Variants in LILRA4 observed in about 807,000 individuals in gnomAD.
The protein encoded by LILRA4 is leukocyte immunoglobulin like receptor A4.
LILRA4 carries 51 observed loss-of-function variants against 49.5 expected under a neutral mutation model. The observed-to-expected ratio is 1.03, with a 90% confidence interval of 0.82 to 1.30. The LOEUF (loss-of-function observed/expected upper bound fraction) is 1.30. Among genes scored for constraint, LILRA4 ranks in the 50% most tolerant of loss-of-function variants. LILRA4 has a pLI of 0.00. For missense variants in LILRA4, 624 were observed against 625.6 expected (o/e 1.00, Z 0.03); for synonymous variants, 272 against 265.6 (o/e 1.02, Z -0.23).
rs774665185 is a variant in LILRA4 at position 54,338,873 on chromosome 19, C to T, written c.63G>A (p.Val21=). 39 of 1,614,022 alleles carry T rather than the reference C, an allele frequency of 2.4e-5. 3 individuals are homozygous for T. Among genetic ancestry groups the T allele is most frequent in the African/African-American group, 1.3e-5 (1 of 74,906 alleles). The change falls in exon 2 of 8, where the codon GTG becomes GTA. Residue 21 remains valine (V), a synonymous_variant. Coordinates refer to ENST00000291759, the MANE Select transcript of LILRA4 (RefSeq NM_012276.5). ...FGLSLGPRTR[V]QAENLLKPIL... ...AGCTGGGGACAGACTCACCTGCCTG[C>T]ACCCGGGTCCTGGGGCCCAGGCTCA...
rs757637662 is a variant in LILRA4 at position 54,338,728 on chromosome 19, A to T, written c.71-48T>A. The T allele has an allele frequency of 2.5e-6, 4 of 1,589,934 alleles. No individual in the cohort carries two copies. The African/African-American group carries it at 5.4e-5, about 21-fold the overall frequency. ...GTCCCAAGATGTCCTCAACCCTCAG[A>T]TCCCAGCTCTCAGCCCCAGGACCCC... On this transcript the variant is annotated intron_variant, in intron 2 of 7. Transcript: ENST00000291759.
Position 54,339,077 on chromosome 19 carries a change from G to C in LILRA4, c.17C>G (p.Thr6Arg). Residue 6 changes from threonine to arginine, a missense_variant, in exon 1 of 8, where the codon ACA (threonine) becomes AGA (arginine). Physicochemically the swap from Thr to Arg is moderately conservative, Grantham distance 71. Coordinates refer to ENST00000291759, the MANE Select transcript of LILRA4 (RefSeq NM_012276.5). The part of the protein sequence containing the change: MTLIL[T>R]SLLFFGLSLG... The stretch of plus-strand genomic sequence containing the variant: ...GATCTCACCAAAGAAGAGCAGGCTT[G>C]TGAGAATGAGGGTCATGGCATCTCC... 1 of 1,614,236 alleles carries C rather than the reference G, an allele frequency of 6.2e-7. No individual in the cohort carries two copies. The highest frequency in any genetic ancestry group is 8.5e-7 in the Non-Finnish European group (1 of 1,180,034).
rs111414855 is a variant in LILRA4 at position 54,333,455 on chromosome 19, C to T, written c.*117G>A. 1.0e-5 allele frequency: 10 copies of T among 961,412 alleles called. No individual in the cohort carries two copies. The highest frequency in any genetic ancestry group is 3.3e-5 in the African/African-American group (2 of 60,638). The allele number at this position is 961,412 out of a possible 1,614,324, so 59.6% of individuals were successfully genotyped here. On this transcript the variant is annotated 3_prime_UTR_variant, in exon 8 of 8. Transcript: ENST00000291759. ...AAGCACCACAGTTTAATGGAGGAAG[C>T]ATCTTCTACAGACACCCAGACATCT...
At position 54,333,209 on chromosome 19, in the gene LILRA4, A is replaced by G. The variant is rs11084330; in HGVS notation, c.*363T>C. 42,890 of 232,712 alleles carry G rather than the reference A, an allele frequency of 0.18. 4,801 individuals are homozygous for G. Among genetic ancestry groups the G allele is most frequent in the African/African-American group, 0.35 (15,210 of 43,950 alleles). The allele number at this position is 232,712 out of a possible 1,614,324, so 14.4% of individuals were successfully genotyped here. ...CTGATTTTTGCCCATGGATTTAATT[A>G]TCAAAAGCAAATTCCATGTTATGAG... On this transcript the variant is annotated 3_prime_UTR_variant, in exon 8 of 8. Transcript: ENST00000291759.
chr19:54,334,010 T>C (rs2081298654), intron 6 of LILRA4, 45 bp from the exon 7 acceptor site: 1 of 1,523,528 alleles, frequency 6.6e-7, no homozygotes, highest in Non-Finnish European at 9.1e-7. Flanking sequence ...CTGAAGAGCC[T>C]CTCCCCTGGG....
chr19:54,337,229 G>GTC (rs569409379), intron 5 of LILRA4, 86 bp from the exon 6 acceptor site: 15 of 1,482,350 alleles, frequency 1.0e-5, no homozygotes, highest in South Asian at 9.3e-5. Flanking sequence ...GGGACCCTCA[G>GTC]TCTGTCCCTG....
At chr19:54,335,214 A>C (rs561380345) in intron 6 of LILRA4, 1 of 152,164 alleles carries the variant, frequency 6.6e-6, no homozygotes, top group South Asian at 2.1e-4. Context: ...GTAATCCCCA[A>C]TGTTGGAGGA....
chr19:54,333,836 A>G (rs2081296492), intron 7 of LILRA4, 71 bp from the exon 8 acceptor site: 1 of 1,610,968 alleles, frequency 6.2e-7, no homozygotes, highest in Admixed American at 1.7e-5. Context: ...CTGGATGTCC[A>G]CCCAGGGTAC....
In LILRA4 at chr19:54,333,531, C is replaced by G. The variant is rs1425829050; in HGVS notation, c.*41G>C. On this transcript the variant is annotated 3_prime_UTR_variant, in exon 8 of 8. Coordinates refer to ENST00000291759, the MANE Select transcript of LILRA4 (RefSeq NM_012276.5). ...CCCTTGATATTCTCAGCAGACACTT[C>G]CCCAACTGCTGCCCCAGTCTTCCAG... 2 of 1,593,012 alleles carry G rather than the reference C, an allele frequency of 1.3e-6. No individual in the cohort carries two copies. The highest frequency in any genetic ancestry group is 2.7e-5 in the African/African-American group (2 of 74,212).
In LILRA4 at chr19:54,338,420, C is replaced by T. The variant is rs754020559; in HGVS notation, c.331G>A (p.Asp111Asn). 14 of 1,613,984 alleles carry T rather than the reference C, an allele frequency of 8.7e-6. No individual in the cohort carries two copies. In the East Asian group the frequency reaches 2.5e-4, roughly 28 times the overall value. The change falls in exon 3 of 8, where the codon GAC becomes AAC. Residue 111 changes from aspartate to asparagine, a missense_variant. Asp to Asn is a conservative substitution (Grantham distance 23, BLOSUM62 1). Transcript: ENST00000291759. Reference sequence around the variant, plus strand: ...CCTGTCACCACCAGCTCCAGGGGGTCGCTGGGCTCTGACCAGCCTGCAGGG... The same window carrying T: ...CCTGTCACCACCAGCTCCAGGGGGTTGCTGGGCTCTGACCAGCCTGCAGGG... ...QSPAGWSEPS[D>N]PLELVVTAYS...
rs1228356245 is a variant in LILRA4, at chr19:54,338,014, A to C, written c.577T>G (p.Phe193Val). The C allele has an allele frequency of 3.7e-6, 6 of 1,613,890 alleles. No individual in the cohort carries two copies. The South Asian group carries it at 6.6e-5, about 18-fold the overall frequency. Residue 193 changes from phenylalanine (F) to valine (V), a missense_variant, in exon 4 of 8, where the codon TTC becomes GTC. Coordinates refer to ENST00000291759, the MANE Select transcript of LILRA4 (RefSeq NM_012276.5). ...GPLTFSNRGT[F>V]RCYGYENNTP... Reference sequence around the variant, plus strand: ...TTGTTTTCATAGCCGTAGCATCTGAATGTACCCCTGTTGCTGAAGGTCAGG... The same window carrying C: ...TTGTTTTCATAGCCGTAGCATCTGACTGTACCCCTGTTGCTGAAGGTCAGG...
intron 5 of LILRA4, 33 bp downstream of exon 5, chr19:54,337,367 G>A (rs200439275): frequency 6.2e-7 from 1 of 1,606,634 alleles, no homozygotes; most frequent in Admixed American, 1.7e-5. Context: ...GCAGAGCCTG[G>A]GTCCCCCTGA....
intron 6 of LILRA4, 97 bp from the exon 7 acceptor site, chr19:54,334,062 T>C (rs906227048): frequency 5.0e-5 from 50 of 1,000,776 alleles, no homozygotes; most frequent in Non-Finnish European, 7.5e-5. Flanking sequence ...GGTGTGACTT[T>C]ATGTAGATCC....
rs757137173 is a variant in LILRA4 at position 54,333,752 on chromosome 19, C to T, written c.1320G>A (p.Gln440=). Reference sequence around the variant, plus strand: ...GGATGAGATTCTCCACTGTGTAATCCTGGAGGTGTGGGGCTAGGGATGGTG... The same window carrying T: ...GGATGAGATTCTCCACTGTGTAATCTTGGAGGTGTGGGGCTAGGGATGGTG... ...KSDSKTAPHL[Q]DYTVENLIRM... is the part of the protein sequence containing the mutation. Residue 440 remains glutamine (Q), a synonymous_variant, in exon 8 of 8, where the codon CAG becomes CAA. Coordinates refer to ENST00000291759, the MANE Select transcript of LILRA4 (RefSeq NM_012276.5). 3 of 1,614,058 alleles carry T rather than the reference C, an allele frequency of 1.9e-6. No individual in the cohort carries two copies. The highest frequency in any genetic ancestry group is 3.3e-5 in the Admixed American group (2 of 60,004).
rs1195687303 is a variant in LILRA4, at chr19:54,333,237, G to C, written c.*335C>G. On this transcript the variant is annotated 3_prime_UTR_variant, in exon 8 of 8. Transcript: ENST00000291759. ...AAAAGCAAATTCCATGTTATGAGCT[G>C]AAGAGATAGTCCCAGTAATACACAT... 4 of 319,514 alleles carry C rather than the reference G, an allele frequency of 1.3e-5. No individual in the cohort carries two copies. Among genetic ancestry groups the C allele is most frequent in the Non-Finnish European group, 2.3e-5 (4 of 176,736 alleles). The allele number at this position is 319,514 out of a possible 1,614,324, so 19.8% of individuals were successfully genotyped here.
Position 54,339,159 on chromosome 19 carries a change from A to T in LILRA4, c.-66T>A, listed in dbSNP as rs182804716. The T allele has an allele frequency of 1.1e-4, 170 of 1,580,426 alleles. No homozygotes were observed. The African/African-American group carries it at 2.1e-3, about 20-fold the overall frequency. ...GGCCACGGTGCCCGTAGACACAGAC[A>T]GACACATGGTGTGCGGGCACACGGA... On this transcript the variant is annotated 5_prime_UTR_variant, in exon 1 of 8. Coordinates refer to ENST00000291759, the MANE Select transcript of LILRA4 (RefSeq NM_012276.5).
chr19:54,334,013 C>A, intron 6 of LILRA4, 48 bp from the exon 7 acceptor site: 2 of 1,491,118 alleles, frequency 1.3e-6, no homozygotes, highest in South Asian at 1.1e-5. Flanking sequence ...AAGAGCCTCT[C>A]CCCTGGGCAA....
chr19:54,337,123 A>G lies in LILRA4; in HGVS notation c.973T>C (p.Ser325Pro), dbSNP rs1018885553. Residue 325 changes from serine (S) to proline (P), a missense_variant, in exon 6 of 8, where the codon TCC becomes CCC. Ser to Pro is a moderately conservative substitution (Grantham distance 74). Transcript: ENST00000291759. Reference sequence around the variant, plus strand: ...GTGGGGCCCGGCTGCACTGAGAGGGAGGGTCTGTCAGAGATCTGTCCTGGA... The same window carrying G: ...GTGGGGCCCGGCTGCACTGAGAGGGGGGGTCTGTCAGAGATCTGTCCTGGA... The part of the protein sequence containing the change: ...LIAGQISDRP[S>P]LSVQPGPTVT... 1 of 1,613,224 alleles carries G rather than the reference A, an allele frequency of 6.2e-7. No homozygotes were observed. Among genetic ancestry groups the G allele is most frequent in the Non-Finnish European group, 8.5e-7 (1 of 1,179,632 alleles).
chr19:54,336,163 C>G (rs963527893), intron 6 of LILRA4: 4 of 152,992 alleles, frequency 2.6e-5, no homozygotes, highest in African/African-American at 9.7e-5. Flanking sequence ...AGAGGGAACA[C>G]CTGCTCCATC....
Sources: gnomAD v4.1 joint callset for allele counts on GRCh38, gnomAD v4.1.1 for gene constraint, MANE v1.5 for transcripts, NCBI Gene and HGNC (gene_info 2026-07-23, HGNC 2026-07-21) for gene names.